The following MLLT3 variants were observed in gnomAD, a reference collection of about 807,000 sequenced individuals.
The protein encoded by MLLT3 is MLLT3 super elongation complex subunit.
In MLLT3, 4 loss-of-function variants were observed where a neutral mutation model predicts 53.2. That is an observed-to-expected ratio of 0.08 (90% CI 0.04 to 0.17). The LOEUF (loss-of-function observed/expected upper bound fraction) is 0.17. Ranked by LOEUF, MLLT3 falls within the 10% of genes least tolerant of loss-of-function variation. The probability of loss-of-function intolerance (pLI) is 1.00; values close to 1 mark genes in which losing one functional copy is unlikely to be tolerated. For synonymous variants in MLLT3, 283 were observed against 230.6 expected, an observed-to-expected ratio of 1.23 and a Z score of -2.06; for missense variants, 569 against 684.0, an observed-to-expected ratio of 0.83 and a Z score of 1.87.
intron 2 of MLLT3, among the ~76,000 whole-genome samples, chr9:20,512,044 T>G (rs1233030310): frequency 6.6e-6 from 1 of 152,086 alleles, no homozygotes; most frequent in Non-Finnish European, 1.5e-5. Context: ...AGCCCCCAAG[T>G]CTGAGCTGAA....
chr9:20,350,331 C>T (rs554650430), intron 10 of MLLT3, among the ~76,000 whole-genome samples: 4 of 152,162 alleles, frequency 2.6e-5, no homozygotes, highest in Non-Finnish European at 4.4e-5. Context: ...CGCGGTGGCT[C>T]ACGCCTGTAA....
At chr9:20,387,774 G>C (rs1048206948) in intron 5 of MLLT3, among the ~76,000 whole-genome samples, 2 of 152,222 alleles carry the variant, frequency 1.3e-5, no homozygotes, top group African/African-American at 4.8e-5. Context: ...AAGGCAGTTT[G>C]AGAAAAGTTA....
At chr9:20,414,486 G>C (rs922620250) in intron 4 of MLLT3, 61 bp from the exon 5 acceptor site, 1 of 1,592,358 alleles carries the variant, frequency 6.3e-7, no homozygotes, top group African/African-American at 1.3e-5. Context: ...AGAGTCAAAA[G>C]AGATCTACAT....
At chr9:20,588,409 T>C (rs1278712999) in intron 2 of MLLT3, among the ~76,000 whole-genome samples, 12 of 151,958 alleles carry the variant, frequency 7.9e-5, no homozygotes, top group African/African-American at 1.5e-4. Context: ...GGGGATGGCA[T>C]TGAATCTGTA....
intron 3 of MLLT3, among the ~76,000 whole-genome samples, chr9:20,455,330 G>A (rs775264647): frequency 6.6e-6 from 1 of 152,220 alleles, no homozygotes; most frequent in Non-Finnish European, 1.5e-5. Flanking sequence ...CTTTCTAACT[G>A]CTGAATTGAG....
intron 2 of MLLT3, among the ~76,000 whole-genome samples, chr9:20,590,296 A>T (rs1820095586): frequency 6.6e-6 from 1 of 152,138 alleles, no homozygotes. Context: ...CCTTTACATC[A>T]GTGCTACCCA....
intron 2 of MLLT3, among the ~76,000 whole-genome samples, chr9:20,611,637 G>T (rs1820704849): frequency 1.3e-5 from 2 of 151,934 alleles, no homozygotes; most frequent in Admixed American, 6.6e-5. Context: ...TTAAAGATAA[G>T]CCATAATTTT....
chr9:20,444,315 A>G (rs1823634663), intron 4 of MLLT3, among the ~76,000 whole-genome samples: 1 of 152,148 alleles, frequency 6.6e-6, no homozygotes, highest in Admixed American at 6.6e-5. Context: ...CTCAGCAAAT[A>G]GGGAGGTGCT....
Position 20,540,845 on chromosome 9 carries a change from G to A in MLLT3, c.193+79809C>T, listed in dbSNP as rs554535818. Among the ~76,000 whole-genome samples the A allele has an allele frequency of 9.2e-5, 14 of 152,254 alleles. No homozygotes were observed. In the East Asian group the frequency reaches 1.9e-3, roughly 21 times the overall value. Reference sequence around the variant, plus strand: ...CAGAAAATGGGTTTTTCTTTTCTACGACATGGTCAGGCTGCAAATTTTCCA... The same window carrying A: ...CAGAAAATGGGTTTTTCTTTTCTACAACATGGTCAGGCTGCAAATTTTCCA... On this transcript the variant is annotated intron_variant, in intron 2 of 10. Transcript: ENST00000380338.
intron 7 of MLLT3, among the ~76,000 whole-genome samples, chr9:20,362,187 C>A (rs1177967913): frequency 1.3e-5 from 2 of 152,116 alleles, no homozygotes; most frequent in East Asian, 3.9e-4. Context: ...AAAAGCAGCC[C>A]CCAAAATGTG....
intron 5 of MLLT3, among the ~76,000 whole-genome samples, chr9:20,393,037 C>T (rs1024834255): frequency 3.3e-5 from 5 of 152,116 alleles, no homozygotes; most frequent in African/African-American, 9.7e-5. Context: ...TGCCTGTAAT[C>T]CCAGCTACTT....
At chr9:20,357,009 G>A (rs555787325) in intron 8 of MLLT3, among the ~76,000 whole-genome samples, 1 of 152,306 alleles carries the variant, frequency 6.6e-6, no homozygotes, top group South Asian at 2.1e-4. Context: ...CTCATTCTGA[G>A]AGAGCTGAGC....
chr9:20,410,094 A>G (rs1260964036), intron 5 of MLLT3, among the ~76,000 whole-genome samples: 1 of 152,174 alleles, frequency 6.6e-6, no homozygotes, highest in African/African-American at 2.4e-5. Context: ...TAGCAGAACC[A>G]TATCAACATC....
At chr9:20,529,004 T>C (rs1818265887) in intron 2 of MLLT3, among the ~76,000 whole-genome samples, 1 of 152,066 alleles carries the variant, frequency 6.6e-6, no homozygotes, top group Non-Finnish European at 1.5e-5. Flanking sequence ...TCAAGAAAAA[T>C]CAAAGACTAC....
rs374477347 is a variant in MLLT3 at position 20,504,786 on chromosome 9, G to T, written c.194-48000C>A. On this transcript the variant is annotated intron_variant, in intron 2 of 10. Coordinates refer to ENST00000380338, the MANE Select transcript of MLLT3 (RefSeq NM_004529.4). ...CCTGAGATAATGCATATGTTAATTAGCTCAATTTGGCCATTTCACAATGTA... is the reference window on the plus strand; with the variant it reads ...CCTGAGATAATGCATATGTTAATTATCTCAATTTGGCCATTTCACAATGTA... 3.2e-4 allele frequency among the ~76,000 whole-genome samples: 49 copies of T among 152,052 alleles called. 2 individuals are homozygous for T. Among genetic ancestry groups the T allele is most frequent in the African/African-American group, 1.2e-3 (49 of 41,486 alleles).
chr9:20,369,072 G>A (rs951046193), intron 5 of MLLT3, among the ~76,000 whole-genome samples: 4 of 152,196 alleles, frequency 2.6e-5, no homozygotes, highest in Non-Finnish European at 5.9e-5. Flanking sequence ...AGGGACATGG[G>A]TGAGTGGGAC....
chr9:20,365,863 G>T, intron 5 of MLLT3, 119 bp from the exon 6 acceptor site: 1 of 900,814 alleles, frequency 1.1e-6, no homozygotes, highest in Non-Finnish European at 1.7e-6. Context: ...ATTTCATTAT[G>T]TCAAATTACT....
At chr9:20,588,542 T>G (rs1347660366) in intron 2 of MLLT3, among the ~76,000 whole-genome samples, 1 of 152,174 alleles carries the variant, frequency 6.6e-6, no homozygotes, top group African/African-American at 2.4e-5. Context: ...TAGTTCTCCT[T>G]GAAGAGGTCC....
chr9:20,463,517 T>C lies in MLLT3; in HGVS notation c.194-6731A>G, dbSNP rs980666281. On this transcript the variant is annotated intron_variant, in intron 2 of 10. Transcript: ENST00000380338. ...TCCCAAAACTAGGTAATATTATTAA[T>C]TGCTAGGAAATACTAAATATAATTT... Among the ~76,000 whole-genome samples, 4 of 152,262 alleles carry C rather than the reference T, an allele frequency of 2.6e-5. No homozygotes were observed. The East Asian group carries it at 5.8e-4, about 22-fold the overall frequency.
Sources: allele counts gnomAD v4.1 joint callset (sites outside exome capture counted in the v4.1 genomes callset), GRCh38; gene constraint gnomAD v4.1.1; transcripts MANE v1.5; gene names NCBI Gene and HGNC (gene_info 2026-07-23, HGNC 2026-07-21).